The following RNF6 variants were observed in gnomAD, a reference collection of about 807,000 sequenced individuals.
RNF6 encodes ring finger protein 6, also known as E3 ubiquitin-protein ligase RNF6.
A neutral mutation model predicts 50.1 loss-of-function variants in RNF6; 21 were observed. The observed-to-expected ratio is 0.42, with a 90% confidence interval of 0.30 to 0.60. The LOEUF is 0.60. Ranked by LOEUF, RNF6 falls within the 20% of genes least tolerant of loss-of-function variation. RNF6 has a pLI of 0.20. For missense variants in RNF6, 698 were observed against 838.2 expected (o/e 0.83, Z 2.07); for synonymous variants, 255 against 291.8 (o/e 0.87, Z 1.29).
chr13:26,204,127 A>C (rs1221445674), intron 5 of RNF6, among the ~76,000 whole-genome samples: 1 of 151,814 alleles, frequency 6.6e-6, no homozygotes, highest in African/African-American at 2.4e-5. Context: ...TCCCCAATAA[A>C]TTTCCTGTAT....
chr13:26,145,945 T>C (rs2137568290), intron 5 of RNF6, among the ~76,000 whole-genome samples: 1 of 152,258 alleles, frequency 6.6e-6, no homozygotes, highest in Non-Finnish European at 1.5e-5. Flanking sequence ...ACAGGATGGG[T>C]TTGGAGACCC....
intron 5 of RNF6, among the ~76,000 whole-genome samples, chr13:26,179,627 T>G (rs115118579): frequency 1.1e-3 from 172 of 152,254 alleles, no homozygotes; most frequent in Admixed American, 1.8e-3. Flanking sequence ...GAAGGAGAAG[T>G]GCTATGTCTG....
chr13:26,152,232 T>C (rs925530923), intron 5 of RNF6, among the ~76,000 whole-genome samples: 2 of 152,254 alleles, frequency 1.3e-5, no homozygotes, highest in African/African-American at 2.4e-5. Context: ...TCAAAACATA[T>C]GAAAGGATTC....
chr13:26,170,486 ATCC>A (rs386769244), intron 5 of RNF6, among the ~76,000 whole-genome samples: 1 of 151,528 alleles, frequency 6.6e-6, no homozygotes, highest in East Asian at 1.9e-4. Flanking sequence ...TTTACTAACT[ATCC>A]ATGCGTGAAG....
intron 5 of RNF6, among the ~76,000 whole-genome samples, chr13:26,187,036 C>T (rs1873584194): frequency 6.6e-6 from 1 of 152,116 alleles, no homozygotes; most frequent in Non-Finnish European, 1.5e-5. Flanking sequence ...CTCGGCCTCC[C>T]AAAGTGCTGA....
At chr13:26,204,221 C>T (rs894844027) in intron 5 of RNF6, among the ~76,000 whole-genome samples, 2 of 151,960 alleles carry the variant, frequency 1.3e-5, no homozygotes, top group South Asian at 2.1e-4. Context: ...TAAGGCCGGG[C>T]GCAATGGCTC....
chr13:26,158,068 AT>A (rs1872033904), intron 5 of RNF6, among the ~76,000 whole-genome samples: 1 of 152,160 alleles, frequency 6.6e-6, no homozygotes, highest in African/African-American at 2.4e-5. Flanking sequence ...GGATGAATAG[AT>A]GAAACATGAA....
chr13:26,220,456 G>A (rs1188898802), intron 2 of RNF6, among the ~76,000 whole-genome samples: 1 of 152,202 alleles, frequency 6.6e-6, no homozygotes, highest in Non-Finnish European at 1.5e-5. Flanking sequence ...TCACTCCTGA[G>A]AAGCTCACTT....
At chr13:26,144,853 C>T (rs1441395661) in intron 5 of RNF6, 1 of 152,224 alleles carries the variant, frequency 6.6e-6, no homozygotes, top group Non-Finnish European at 1.5e-5. Context: ...GCTTCAGGGC[C>T]TGCTTGGCCC....
chr13:26,152,154 A>G (rs2137586847), intron 5 of RNF6, among the ~76,000 whole-genome samples: 1 of 152,334 alleles, frequency 6.6e-6, no homozygotes, highest in South Asian at 2.1e-4. Context: ...ACTAGAGAAA[A>G]ATTTAATATT....
chr13:26,147,903 GACA>G (rs1871333922), intron 5 of RNF6, among the ~76,000 whole-genome samples: 1 of 152,198 alleles, frequency 6.6e-6, no homozygotes, highest in Non-Finnish European at 1.5e-5. Context: ...GTGACATTAG[GACA>G]ACATGTCAAC....
chr13:26,180,617 A>G (rs1159506167), intron 5 of RNF6, among the ~76,000 whole-genome samples: 1 of 152,170 alleles, frequency 6.6e-6, no homozygotes, highest in African/African-American at 2.4e-5. Flanking sequence ...TTGCCATACC[A>G]TTGCTGATGT....
At chr13:26,175,577 A>T (rs1872916511) in intron 5 of RNF6, among the ~76,000 whole-genome samples, 1 of 152,132 alleles carries the variant, frequency 6.6e-6, no homozygotes, top group Non-Finnish European at 1.5e-5. Context: ...CGTCCTGGTT[A>T]CCATCGCAGT....
In RNF6 at chr13:26,158,082, G is replaced by C. The variant is rs543236148; in HGVS notation, n.769-25631C>G. The stretch of plus-strand genomic sequence containing the variant: ...TGGATGAATAGATGAAACATGAATG[G>C]ATAGATGGATAGATAGACAGAGACT... On this transcript the variant is annotated intron_variant and non_coding_transcript_variant, in intron 5 of 5. Coordinates refer to the RNF6 transcript ENST00000468480. 1.8e-4 allele frequency among the ~76,000 whole-genome samples: 28 copies of C among 152,248 alleles called. 2 individuals carry two copies. The South Asian group carries it at 5.8e-3, about 32-fold the overall frequency.
intron 5 of RNF6, among the ~76,000 whole-genome samples, chr13:26,148,581 C>G (rs1405341625): frequency 7.5e-6 from 1 of 133,564 alleles, no homozygotes; most frequent in African/African-American, 2.9e-5. Context: ...GTACCAAAAT[C>G]TGTATTAGTC....
chr13:26,198,608 T>C (rs116551910), intron 5 of RNF6, among the ~76,000 whole-genome samples: 2,666 of 151,828 alleles, frequency 0.018, 114 homozygotes, highest in African/African-American at 0.061. Context: ...TGATGTCCAC[T>C]CTCACCACTT....
chr13:26,188,021 T>C lies in RNF6; in HGVS notation n.768+27453A>G, dbSNP rs533004143. On this transcript the variant is annotated intron_variant and non_coding_transcript_variant, in intron 5 of 5. Coordinates refer to the RNF6 transcript ENST00000468480. Reference sequence around the variant, plus strand: ...AGGTGTCTGGGCATCAGTTTCATCATCTGGGTGAAATGGACTTGAACCTGT... The same window carrying C: ...AGGTGTCTGGGCATCAGTTTCATCACCTGGGTGAAATGGACTTGAACCTGT... 2.6e-5 allele frequency among the ~76,000 whole-genome samples: 4 copies of C among 152,366 alleles called. No homozygotes were observed. In the South Asian group the frequency reaches 6.2e-4, roughly 24 times the overall value.
chr13:26,182,915 G>T (rs1241538985), intron 5 of RNF6, among the ~76,000 whole-genome samples: 1 of 152,148 alleles, frequency 6.6e-6, no homozygotes, highest in Non-Finnish European at 1.5e-5. Flanking sequence ...TGGTGACCTT[G>T]AGTAGCCAAA....
intron 5 of RNF6, among the ~76,000 whole-genome samples, chr13:26,142,980 C>T (rs1183649873): frequency 6.6e-6 from 1 of 151,924 alleles, no homozygotes; most frequent in Non-Finnish European, 1.5e-5. Context: ...ATATTCATAA[C>T]AAAGTAAAGA....
Sources: gnomAD v4.1 joint callset for allele counts (sites outside exome capture counted in the v4.1 genomes callset) on GRCh38, gnomAD v4.1.1 for gene constraint, MANE v1.5 for transcripts, NCBI Gene and HGNC (gene_info 2026-07-23, HGNC 2026-07-21) for gene names.